SLC13A1: variants seen among roughly 807,000 people sequenced by gnomAD.
The protein encoded by SLC13A1 is Na(+)/sulfate cotransporter.
Under a neutral mutation model 70.0 loss-of-function variants are expected in SLC13A1, and 65 were observed. The observed-to-expected ratio is 0.93, with a 90% confidence interval of 0.76 to 1.14. The LOEUF is 1.14. SLC13A1 is among the 50% of genes most tolerant of loss of function. The probability of loss-of-function intolerance (pLI) is 0.00; values close to 1 mark genes in which losing one functional copy is unlikely to be tolerated. For missense variants in SLC13A1, 726 were observed against 717.8 expected (o/e 1.01, Z -0.13); for synonymous variants, 275 against 250.5 (o/e 1.10, Z -0.92).
intron 6 of SLC13A1, among the ~76,000 whole-genome samples, chr7:123,166,760 A>C (rs1392520217): frequency 6.6e-6 from 1 of 152,156 alleles, no homozygotes; most frequent in Non-Finnish European, 1.5e-5. Context: ...CATGGTGTAC[A>C]TGTGCCACAT....
chr7:123,128,990 G>A (rs777434393), intron 9 of SLC13A1, 44 bp from the exon 10 acceptor site: 59 of 1,334,974 alleles, frequency 4.4e-5, no homozygotes, highest in East Asian at 7.1e-5. Context: ...TTTCTCAGTC[G>A]GGACATTTGT....
intron 6 of SLC13A1, chr7:123,149,482 A>G (rs762408889): frequency 2.2e-6 from 1 of 456,496 alleles, no homozygotes; most frequent in South Asian, 1.5e-5. Context: ...TTCGACTGTG[A>G]TGGTACAAGT....
At chr7:123,190,446 C>T in intron 1 of SLC13A1, 1 of 384,838 alleles carries the variant, frequency 2.6e-6, no homozygotes, top group East Asian at 7.4e-5. Flanking sequence ...AGAGAAATGG[C>T]TGGTAACTCA....
At chr7:123,136,311 T>G (rs541872048) in intron 7 of SLC13A1, among the ~76,000 whole-genome samples, 8 of 152,342 alleles carry the variant, frequency 5.3e-5, no homozygotes, top group African/African-American at 1.9e-4. Flanking sequence ...CATTGTTATG[T>G]TTTGTTTAGT....
intron 8 of SLC13A1, among the ~76,000 whole-genome samples, chr7:123,130,171 A>G (rs1210368813): frequency 6.6e-6 from 1 of 152,144 alleles, no homozygotes; most frequent in Non-Finnish European, 1.5e-5. Flanking sequence ...AAGTAAAATA[A>G]ACTCACCATA....
intron 2 of SLC13A1, among the ~76,000 whole-genome samples, chr7:123,175,919 A>C (rs1285521289): frequency 6.6e-6 from 1 of 152,188 alleles, no homozygotes; most frequent in Non-Finnish European, 1.5e-5. Context: ...TTATATGAGG[A>C]GTTAGCATAT....
At chr7:123,155,498 G>C (rs947680442) in intron 6 of SLC13A1, among the ~76,000 whole-genome samples, 4 of 151,460 alleles carry the variant, frequency 2.6e-5, no homozygotes, top group Non-Finnish European at 1.5e-5. Flanking sequence ...TCTTCTTCTT[G>C]CATAGTCTCT....
chr7:123,149,129 T>C (rs1353074070), intron 6 of SLC13A1, among the ~76,000 whole-genome samples: 2 of 152,132 alleles, frequency 1.3e-5, no homozygotes, highest in Non-Finnish European at 2.9e-5. Flanking sequence ...CTGCATGTGA[T>C]AGTCTACCTG....
At chr7:123,132,317 G>A (rs1300678910) in intron 8 of SLC13A1, among the ~76,000 whole-genome samples, 3 of 151,884 alleles carry the variant, frequency 2.0e-5, no homozygotes, top group Admixed American at 6.6e-5. Flanking sequence ...GTATTACTAG[G>A]CATGGAACCC....
intron 6 of SLC13A1, among the ~76,000 whole-genome samples, chr7:123,165,110 G>A (rs1795026927): frequency 6.6e-6 from 1 of 151,958 alleles, no homozygotes; most frequent in East Asian, 1.9e-4. Flanking sequence ...AAGAACAGCT[G>A]CAGTTTATTA....
chr7:123,130,114 G>A (rs1360677857), intron 8 of SLC13A1, among the ~76,000 whole-genome samples: 1 of 152,134 alleles, frequency 6.6e-6, no homozygotes, highest in Admixed American at 6.6e-5. Context: ...TTTTACACTA[G>A]TGCAGGGACT....
Position 123,161,744 on chromosome 7 carries a change from A to G in SLC13A1, c.660+6630T>C, listed in dbSNP as rs116036485. Among the ~76,000 whole-genome samples, 568 of 152,262 alleles carry G rather than the reference A, an allele frequency of 3.7e-3. 3 individuals are homozygous for G. The highest frequency in any genetic ancestry group is 0.013 in the African/African-American group (536 of 41,560). ...GCTGTGGCGACCAATCCATACCTTA[A>G]CTAGTGCAAGTGATAAAACAAAAGA... is the stretch of plus-strand genomic sequence containing the variant. On this transcript the variant is annotated intron_variant, in intron 6 of 14. Transcript: ENST00000194130.
chr7:123,134,309 G>T, intron 8 of SLC13A1, 101 bp downstream of exon 8: 1 of 1,076,272 alleles, frequency 9.3e-7, no homozygotes. Flanking sequence ...AATGCAGAAA[G>T]GTAGCCTGCA....
rs144330970 is a variant in SLC13A1 at position 123,178,897 on chromosome 7, A to G, written c.228+2076T>C. On this transcript the variant is annotated intron_variant, in intron 2 of 14. Transcript: ENST00000194130. ...TTACAACACTCAGAATGTTTCTAGAATGATCTATTCACTTTTGTGAATGTA... is the reference window on the plus strand; with the variant it reads ...TTACAACACTCAGAATGTTTCTAGAGTGATCTATTCACTTTTGTGAATGTA... Among the ~76,000 whole-genome samples, 1,274 of 152,296 alleles carry G rather than the reference A, an allele frequency of 8.4e-3. 19 individuals carry two copies. The highest frequency in any genetic ancestry group is 0.028 in the African/African-American group (1,183 of 41,574).
chr7:123,141,054 A>G (rs1396012611), intron 7 of SLC13A1, among the ~76,000 whole-genome samples: 2 of 151,568 alleles, frequency 1.3e-5, no homozygotes, highest in Admixed American at 1.3e-4. Flanking sequence ...AGAGCTATAA[A>G]CTTCCCTCTT....
At chr7:123,140,747 AT>A (rs1374488348) in intron 7 of SLC13A1, among the ~76,000 whole-genome samples, 22 of 151,996 alleles carry the variant, frequency 1.4e-4, no homozygotes, top group African/African-American at 4.8e-4. Flanking sequence ...GATCCTTTGA[AT>A]TTCTGCAGTA....
chr7:123,159,115 T>C (rs1400308588), intron 6 of SLC13A1, among the ~76,000 whole-genome samples: 1 of 151,990 alleles, frequency 6.6e-6, no homozygotes, highest in African/African-American at 2.4e-5. Flanking sequence ...GGCATGTAAA[T>C]AGAAAGCGAT....
At chr7:123,161,290 TTAAA>T (rs1431657980) in intron 6 of SLC13A1, among the ~76,000 whole-genome samples, 8 of 151,184 alleles carry the variant, frequency 5.3e-5, no homozygotes, top group East Asian at 1.9e-4. Flanking sequence ...AAAATAATCT[TTAAA>T]TAATCTTTAA....
chr7:123,167,021 G>A (rs928131260), intron 6 of SLC13A1, among the ~76,000 whole-genome samples: 5 of 151,522 alleles, frequency 3.3e-5, no homozygotes, highest in East Asian at 1.9e-4. Context: ...TTAGAATGGC[G>A]ATCATTAAAA....
Sources: gnomAD v4.1 joint callset for allele counts (sites outside exome capture counted in the v4.1 genomes callset) on GRCh38, gnomAD v4.1.1 for gene constraint, MANE v1.5 for transcripts, NCBI Gene and HGNC (gene_info 2026-07-23, HGNC 2026-07-21) for gene names.